TTC7A: variants seen among roughly 807,000 people sequenced by gnomAD.
TTC7A encodes the protein tetratricopeptide repeat domain 7A, also known as tetratricopeptide repeat protein 7A.
TTC7A carries 110 observed loss-of-function variants against 103.7 expected under a neutral mutation model. That is an observed-to-expected ratio of 1.06 (90% CI 0.91 to 1.24). The LOEUF is 1.24. TTC7A is among the 50% of genes most tolerant of loss of function. The pLI is 0.00. For synonymous variants in TTC7A, 521 were observed against 467.9 expected, an observed-to-expected ratio of 1.11 and a Z score of -1.47; for missense variants, 1,340 against 1,116.3, an observed-to-expected ratio of 1.20 and a Z score of -2.86.
At chr2:47,040,490 C>G (rs902584692) in intron 15 of TTC7A, 1 of 152,266 alleles carries the variant, frequency 6.6e-6, no homozygotes, top group Admixed American at 6.5e-5. Flanking sequence ...GGGGTCACAG[C>G]GAGCATGCTT....
At chr2:47,064,939 C>T (rs1684066276) in intron 19 of TTC7A, among the ~76,000 whole-genome samples, 2 of 152,148 alleles carry the variant, frequency 1.3e-5, no homozygotes. Flanking sequence ...ACTTTATTAA[C>T]ATGTATAAAA....
Position 46,978,826 on chromosome 2 carries a change from G to C in TTC7A, c.683G>C (p.Gly228Ala). ...TNNSTSRHLKGCHPLDYELTY... is the reference protein window; with the variant it reads ...TNNSTSRHLKACHPLDYELTY... ...AACAGCACGTCGAGGCATCTGAAAG[G>C]CTGTCACCCGCTTGACTATGAGCTC... The change falls in exon 5 of 20, where the codon GGC becomes GCC. Residue 228 changes from glycine to alanine, a missense_variant. Transcript: ENST00000319190. 6.2e-7 allele frequency: 1 copy of C among 1,614,014 alleles called. No homozygotes were observed. Among genetic ancestry groups the C allele is most frequent in the Non-Finnish European group, 8.5e-7 (1 of 1,179,978 alleles).
intron 16 of TTC7A, among the ~76,000 whole-genome samples, chr2:47,047,749 C>T (rs1346466168): frequency 3.3e-5 from 5 of 152,234 alleles, no homozygotes; most frequent in Admixed American, 6.5e-5. Flanking sequence ...AAGACCTGGC[C>T]TATGCCTCCC....
At chr2:46,937,355 A>G (rs1471549231), upstream of TTC7A, among the ~76,000 whole-genome samples, 1 of 151,980 alleles carries the variant, frequency 6.6e-6, no homozygotes, top group Admixed American at 6.6e-5. This position sits in a 1 kb window ranked among gnomAD's most constrained non-coding sequence, Gnocchi z 4.0. Flanking sequence ...GGCTGGCTAG[A>G]TACCCCAAAG....
At chr2:46,974,369 C>T (rs140216533) in intron 3 of TTC7A, among the ~76,000 whole-genome samples, 191 of 152,350 alleles carry the variant, frequency 1.3e-3, no homozygotes, top group Middle Eastern at 0.01. Flanking sequence ...GGCACCGTCA[C>T]GGGCAGAGCT....
chr2:46,937,224 C>G (rs1044654798), upstream of TTC7A, among the ~76,000 whole-genome samples: 2 of 152,124 alleles, frequency 1.3e-5, no homozygotes, highest in Non-Finnish European at 2.9e-5. The surrounding 1 kb of genome is among the most constrained non-coding windows in gnomAD (Gnocchi z 4.0). Flanking sequence ...TTAAAACTAT[C>G]TTTTAGACCT....
At chr2:46,962,295 C>T (rs1000606086) in intron 3 of TTC7A, among the ~76,000 whole-genome samples, 1 of 152,148 alleles carries the variant, frequency 6.6e-6, no homozygotes, top group African/African-American at 2.4e-5. Context: ...TGAGAGCTTC[C>T]CTTGGTTGTT....
chr2:47,064,839 G>A (rs1490540097), intron 19 of TTC7A, among the ~76,000 whole-genome samples: 1 of 152,170 alleles, frequency 6.6e-6, no homozygotes, highest in Non-Finnish European at 1.5e-5. Flanking sequence ...CCAGTGTAAG[G>A]AAGGAAAAAA....
chr2:46,983,390 G>T (rs1379339659), intron 5 of TTC7A, among the ~76,000 whole-genome samples: 1 of 152,218 alleles, frequency 6.6e-6, no homozygotes, highest in African/African-American at 2.4e-5. Flanking sequence ...GGCCTGGAGG[G>T]CTGGTTCCTG....
chr2:46,934,704 C>CA (rs1316190613), intron 2 of TTC7A, among the ~76,000 whole-genome samples: 2 of 148,568 alleles, frequency 1.3e-5, no homozygotes, highest in Non-Finnish European at 3.0e-5. Flanking sequence ...AACAAACAAA[C>CA]AAAAAAACCC....
intron 2 of TTC7A, among the ~76,000 whole-genome samples, chr2:46,921,412 G>A (rs1572633620): frequency 6.6e-6 from 1 of 152,140 alleles, no homozygotes; most frequent in African/African-American, 2.4e-5. Flanking sequence ...TAGCATCCCA[G>A]AACATGAAAT....
At chr2:47,002,748 C>T (rs544544365) in intron 8 of TTC7A, among the ~76,000 whole-genome samples, 1 of 152,166 alleles carries the variant, frequency 6.6e-6, no homozygotes, top group Non-Finnish European at 1.5e-5. Context: ...CCATTTCCCC[C>T]TACCCCTCCC....
chr2:46,985,859 A>C (rs1674957297), intron 5 of TTC7A, among the ~76,000 whole-genome samples: 1 of 152,240 alleles, frequency 6.6e-6, no homozygotes, highest in African/African-American at 2.4e-5. Context: ...AAATAATATA[A>C]AGATACCTTA....
intron 18 of TTC7A, among the ~76,000 whole-genome samples, chr2:47,059,576 C>G (rs138119820): frequency 6.6e-6 from 1 of 152,132 alleles, no homozygotes; most frequent in Non-Finnish European, 1.5e-5. Context: ...ACACGCCTAC[C>G]TTCAGTCAGC....
At chr2:47,008,644 GA>G (rs1277285444) in intron 10 of TTC7A, among the ~76,000 whole-genome samples, 2 of 152,166 alleles carry the variant, frequency 1.3e-5, no homozygotes, top group Non-Finnish European at 2.9e-5. Flanking sequence ...CCCCCCTTGG[GA>G]ACCCTGCCCA....
At chr2:47,023,163 T>C (rs1679483806) in intron 12 of TTC7A, among the ~76,000 whole-genome samples, 1 of 152,198 alleles carries the variant, frequency 6.6e-6, no homozygotes, top group Non-Finnish European at 1.5e-5. Flanking sequence ...CTTGTAGGCA[T>C]TGGCCTTTGA....
At chr2:46,959,695 A>G (rs1442819275) in intron 3 of TTC7A, among the ~76,000 whole-genome samples, 4 of 152,206 alleles carry the variant, frequency 2.6e-5, no homozygotes, top group African/African-American at 7.2e-5. Flanking sequence ...GGCGTCACTC[A>G]CAAAGGCCCT....
At chr2:47,047,692 A>T (rs541862667) in intron 16 of TTC7A, among the ~76,000 whole-genome samples, 7 of 152,308 alleles carry the variant, frequency 4.6e-5, no homozygotes, top group South Asian at 4.1e-4. Context: ...CCAAGTGGTC[A>T]GTCGTGGTGG....
intron 5 of TTC7A, among the ~76,000 whole-genome samples, chr2:46,984,314 CTT>C (rs1439064448): frequency 6.6e-6 from 1 of 152,208 alleles, no homozygotes; most frequent in Non-Finnish European, 1.5e-5. Context: ...GGTTTGAAAA[CTT>C]TGGTGGGTGC....
Sources: allele counts gnomAD v4.1 joint callset (sites outside exome capture counted in the v4.1 genomes callset), GRCh38; gene constraint gnomAD v4.1.1; non-coding constraint Gnocchi (gnomAD v3.1); transcripts MANE v1.5; gene names NCBI Gene and HGNC (gene_info 2026-07-23, HGNC 2026-07-21).